Variants in BATF observed in about 807,000 individuals in gnomAD.
BATF encodes the protein basic leucine zipper transcriptional factor ATF-like.
Under a neutral mutation model 13.7 loss-of-function variants are expected in BATF, and 5 were observed. The ratio of observed to expected loss-of-function variants is 0.36; its 90% CI spans 0.19 to 0.77. The LOEUF is 0.77. BATF is among the 30% of genes least tolerant of loss of function. The probability of loss-of-function intolerance (pLI) is 0.51; values close to 1 mark genes in which losing one functional copy is unlikely to be tolerated. For missense variants in BATF, 124 were observed against 163.0 expected, an observed-to-expected ratio of 0.76 and a Z score of 1.30; for synonymous variants, 72 against 67.5, an observed-to-expected ratio of 1.07 and a Z score of -0.33.
chr14:75,527,597 G>C (rs764187), intron 2 of BATF, among the ~76,000 whole-genome samples: 95,518 of 152,132 alleles, frequency 0.63, 33,441 homozygotes, highest in South Asian at 0.79. Context: ...TTTCAGCACT[G>C]AATCAGCTCT....
intron 2 of BATF, among the ~76,000 whole-genome samples, chr14:75,530,964 C>A (rs1283469220): frequency 6.6e-6 from 1 of 152,156 alleles, no homozygotes; most frequent in Non-Finnish European, 1.5e-5. Context: ...ACTTGGCATT[C>A]TTTACCTTTT....
At chr14:75,525,330 G>T in intron 2 of BATF, 142 bp downstream of exon 2, 1 of 822,198 alleles carries the variant, frequency 1.2e-6, no homozygotes, top group Non-Finnish European at 1.9e-6. Flanking sequence ...GGGCCGTGGG[G>T]TGAGGTAGGG....
At position 75,546,909 on chromosome 14, in the gene BATF, A is replaced by G; in HGVS notation, c.*238A>G. ...GGTTGCAGGCCCAATGCAGAAGAGT[A>G]TTAAGAAAGATGCTCAAGTCCCATG... On this transcript the variant is annotated 3_prime_UTR_variant, in exon 3 of 3. Coordinates refer to ENST00000286639, the MANE Select transcript of BATF (RefSeq NM_006399.5). The G allele has an allele frequency of 1.4e-6, 1 of 708,522 alleles. No individual in the cohort carries two copies. The highest frequency in any genetic ancestry group is 1.5e-5 in the South Asian group (1 of 67,692). 43.9% of individuals were successfully genotyped at this position (708,522 alleles called of 1,614,324 possible). A position where few individuals can be genotyped will look rare whatever the true frequency, so the allele number is the denominator to read the frequency against.
chr14:75,534,365 G>T (rs972482768), intron 2 of BATF, among the ~76,000 whole-genome samples: 1 of 152,112 alleles, frequency 6.6e-6, no homozygotes, highest in African/African-American at 2.4e-5. Flanking sequence ...ACACACTAAG[G>T]CAGGGTTTCT....
At chr14:75,524,702 GA>G (rs1314882186) in intron 1 of BATF, among the ~76,000 whole-genome samples, 2 of 151,982 alleles carry the variant, frequency 1.3e-5, no homozygotes, top group East Asian at 3.9e-4. Flanking sequence ...ACAGCTAAAA[GA>G]ACAGCAAGAA....
In BATF at chr14:75,529,691, T is replaced by C. The variant is rs546867856; in HGVS notation, c.168+4503T>C. 2.6e-5 allele frequency among the ~76,000 whole-genome samples: 4 copies of C among 152,286 alleles called. No homozygotes were observed. In the South Asian group the frequency reaches 6.2e-4, roughly 24 times the overall value. ...ACAAGCTGAGGAAAAATATCTGTAA[T>C]ACATATGACCAAAAAAGGTATGTTT... On this transcript the variant is annotated intron_variant, in intron 2 of 2. Coordinates refer to ENST00000286639, the MANE Select transcript of BATF (RefSeq NM_006399.5).
chr14:75,523,843 A>C (rs531192988), intron 1 of BATF, among the ~76,000 whole-genome samples: 14 of 152,140 alleles, frequency 9.2e-5, no homozygotes, highest in Non-Finnish European at 1.8e-4. Flanking sequence ...AGACCTCTAG[A>C]AGGCACAGAA....
intron 2 of BATF, among the ~76,000 whole-genome samples, chr14:75,529,371 C>T (rs1373142200): frequency 3.9e-5 from 6 of 152,134 alleles, no homozygotes; most frequent in Admixed American, 6.6e-5. Context: ...CGGTGGCTCA[C>T]GCTTGTAATC....
At chr14:75,545,774 A>C (rs943590165) in intron 2 of BATF, among the ~76,000 whole-genome samples, 2 of 151,752 alleles carry the variant, frequency 1.3e-5, no homozygotes, top group African/African-American at 4.8e-5. Flanking sequence ...TCCCACCCAC[A>C]CACCCTCACA....
Position 75,546,680 on chromosome 14 carries a change from T to A in BATF, c.*9T>A. 1 of 1,577,558 alleles carries A rather than the reference T, an allele frequency of 6.3e-7. No individual in the cohort carries two copies. Among genetic ancestry groups the A allele is most frequent in the Non-Finnish European group, 8.6e-7 (1 of 1,162,084 alleles). On this transcript the variant is annotated 3_prime_UTR_variant, in exon 3 of 3. Coordinates refer to ENST00000286639, the MANE Select transcript of BATF (RefSeq NM_006399.5). ...CGCGCTTCCAGCCCTGAGCTTCCGATGCGGGGAGAGCAGAGCCTCGGGAGG... is the reference window on the plus strand; with the variant it reads ...CGCGCTTCCAGCCCTGAGCTTCCGAAGCGGGGAGAGCAGAGCCTCGGGAGG...
chr14:75,541,655 TTTTTGTTTTG>T (rs951580851), intron 2 of BATF, among the ~76,000 whole-genome samples: 1 of 152,108 alleles, frequency 6.6e-6, no homozygotes, highest in Non-Finnish European at 1.5e-5. Flanking sequence ...AGGACTTATT[TTTTTGTTTTG>T]TTTTGTTTTG....
chr14:75,534,661 A>G (rs571795878), intron 2 of BATF, among the ~76,000 whole-genome samples: 12 of 152,368 alleles, frequency 7.9e-5, no homozygotes, highest in Non-Finnish European at 1.6e-4. Context: ...AGAAGCCTTC[A>G]TCAAGCTAAT....
intron 2 of BATF, among the ~76,000 whole-genome samples, chr14:75,529,361 C>A (rs568973742): frequency 6.6e-6 from 1 of 152,160 alleles, no homozygotes; most frequent in South Asian, 2.1e-4. Flanking sequence ...GGGCTGGGCA[C>A]GGTGGCTCAC....
chr14:75,523,293 TG>T (rs1887603483), intron 1 of BATF, among the ~76,000 whole-genome samples: 1 of 151,858 alleles, frequency 6.6e-6, no homozygotes, highest in South Asian at 2.1e-4. Flanking sequence ...ATCTCTCTAC[TG>T]GGGCACTGCC....
intron 2 of BATF, among the ~76,000 whole-genome samples, chr14:75,538,278 C>T (rs141582748): frequency 6.6e-6 from 1 of 152,144 alleles, no homozygotes; most frequent in East Asian, 1.9e-4. Context: ...AAAAGGAATC[C>T]ACTATGAACA....
chr14:75,542,447 G>A (rs1887910238), intron 2 of BATF, among the ~76,000 whole-genome samples: 1 of 152,198 alleles, frequency 6.6e-6, no homozygotes, highest in African/African-American at 2.4e-5. Context: ...TGCTCTAGGT[G>A]TCCAGCCCTC....
Position 75,546,849 on chromosome 14 carries a change from G to T in BATF, c.*178G>T. 1.1e-6 allele frequency: 1 copy of T among 875,250 alleles called. No homozygotes were observed. The highest frequency in any genetic ancestry group is 1.8e-6 in the Non-Finnish European group (1 of 543,972). The allele number at this position is 875,250 out of a possible 1,614,324, so 54.2% of individuals were successfully genotyped here. On this transcript the variant is annotated 3_prime_UTR_variant, in exon 3 of 3. Coordinates refer to ENST00000286639, the MANE Select transcript of BATF (RefSeq NM_006399.5). ...TGAGGCCTCCCAGCAGTGCCGCAGC[G>T]TTTCGAGGGGCGTGTGCTGGACCCC...
At chr14:75,527,855 G>A (rs1887675659) in intron 2 of BATF, among the ~76,000 whole-genome samples, 2 of 152,208 alleles carry the variant, frequency 1.3e-5, no homozygotes, top group Non-Finnish European at 2.9e-5. Flanking sequence ...TTTGCCCAAT[G>A]AGTAGGTCGC....
At chr14:75,544,473 G>T (rs1363983792) in intron 2 of BATF, among the ~76,000 whole-genome samples, 1 of 148,474 alleles carries the variant, frequency 6.7e-6, no homozygotes, top group Non-Finnish European at 1.5e-5. Context: ...GTTGAGGCAG[G>T]AGAACTGCTT....
Sources: gnomAD v4.1 joint callset for allele counts (sites outside exome capture counted in the v4.1 genomes callset) on GRCh38, gnomAD v4.1.1 for gene constraint, MANE v1.5 for transcripts, NCBI Gene and HGNC (gene_info 2026-07-23, HGNC 2026-07-21) for gene names.